The following NRG1 variants were observed in gnomAD, a reference collection of about 807,000 sequenced individuals.
NRG1 encodes pro-neuregulin-1, membrane-bound isoform.
In NRG1, 18 loss-of-function variants were observed where a neutral mutation model predicts 63.8. The ratio of observed to expected loss-of-function variants is 0.28; its 90% CI spans 0.19 to 0.42. The LOEUF is 0.42. NRG1 is among the 10% of genes least tolerant of loss of function. The probability of loss-of-function intolerance (pLI) is 1.00; values close to 1 mark genes in which losing one functional copy is unlikely to be tolerated. For synonymous variants in NRG1, 302 were observed against 301.3 expected, an observed-to-expected ratio of 1.00 and a Z score of -0.02; for missense variants, 762 against 814.7, an observed-to-expected ratio of 0.94 and a Z score of 0.79.
intron 1 of NRG1, among the ~76,000 whole-genome samples, chr8:32,394,674 C>A (rs1038041483): frequency 6.6e-6 from 1 of 152,168 alleles, no homozygotes; most frequent in Non-Finnish European, 1.5e-5. Context: ...CCAAGCACAA[C>A]TGGACATTTT....
chr8:32,165,072 A>G (rs1212617649), intron 1 of NRG1, among the ~76,000 whole-genome samples: 1 of 152,028 alleles, frequency 6.6e-6, no homozygotes, highest in Non-Finnish European at 1.5e-5. Context: ...TATTTCTACA[A>G]TTGCACAGCA....
intron 1 of NRG1, among the ~76,000 whole-genome samples, chr8:31,724,758 C>CT (rs951810566): frequency 7.2e-5 from 11 of 151,984 alleles, no homozygotes; most frequent in South Asian, 2.1e-4. Flanking sequence ...ATGTCATTTT[C>CT]TTTTTTTTCT....
exon 1 of NRG1, chr8:31,639,270 C>A: frequency 8.2e-7 from 1 of 1,221,956 alleles, no homozygotes; most frequent in Non-Finnish European, 1.2e-6. Context: ...CCCACTCGGA[C>A]TGCAGCCTGT....
intron 1 of NRG1, among the ~76,000 whole-genome samples, chr8:32,457,973 A>C (rs1437483233): frequency 1.3e-5 from 2 of 151,662 alleles, no homozygotes; most frequent in East Asian, 3.9e-4. Flanking sequence ...GCTGGAGTGC[A>C]ATGGTGCGAT....
In NRG1 at chr8:32,384,400, T is replaced by C. The variant is rs10098019; in HGVS notation, c.38-211428T>C. ...AGCACAGAGATAAGAGATTAGCTCA[T>C]GGCTCAGGCCAGGCCTCACAGATTA... On this transcript the variant is annotated intron_variant, in intron 1 of 10. Transcript: ENST00000519301. Among the ~76,000 whole-genome samples the C allele has an allele frequency of 9.3e-3, 1,415 of 152,384 alleles. 30 individuals are homozygous for C. Among genetic ancestry groups the C allele is most frequent in the African/African-American group, 0.032 (1,334 of 41,592 alleles).
chr8:32,760,518 G>A, intron 11 of NRG1, 112 bp downstream of exon 11: 1 of 1,535,708 alleles, frequency 6.5e-7, no homozygotes, highest in Non-Finnish European at 8.7e-7. Context: ...AGGGGCGGCA[G>A]TTACCTGTTC....
chr8:32,141,468 G>T (rs771661029), intron 1 of NRG1, among the ~76,000 whole-genome samples: 1 of 150,900 alleles, frequency 6.6e-6, no homozygotes, highest in Non-Finnish European at 1.5e-5. Flanking sequence ...GAAACATTTT[G>T]CATCCCTTTT....
chr8:32,199,350 A>G (rs926991478), intron 1 of NRG1, among the ~76,000 whole-genome samples: 2 of 152,172 alleles, frequency 1.3e-5, no homozygotes, highest in Non-Finnish European at 2.9e-5. Flanking sequence ...AATTCCAGCT[A>G]GATACTTTCT....
intron 1 of NRG1, among the ~76,000 whole-genome samples, chr8:32,495,438 A>G (rs957431809): frequency 6.6e-6 from 1 of 152,108 alleles, no homozygotes; most frequent in Non-Finnish European, 1.5e-5. Flanking sequence ...TTCTTTATAA[A>G]TTACTCAGTC....
At chr8:31,854,038 A>G (rs1827553965) in intron 1 of NRG1, among the ~76,000 whole-genome samples, 1 of 150,418 alleles carries the variant, frequency 6.6e-6, no homozygotes, top group Admixed American at 6.6e-5. Context: ...GGATTTTTGC[A>G]TCAATGTTCA....
chr8:31,644,556 A>G (rs565692981), intron 1 of NRG1, among the ~76,000 whole-genome samples: 2 of 152,304 alleles, frequency 1.3e-5, no homozygotes, highest in African/African-American at 4.8e-5. Context: ...TAGGAGCTTT[A>G]GACAACAGAG....
intron 1 of NRG1, among the ~76,000 whole-genome samples, chr8:32,341,402 C>T (rs1804055781): frequency 1.3e-5 from 2 of 152,306 alleles, no homozygotes; most frequent in Admixed American, 6.5e-5. Context: ...CTGGTCAGCT[C>T]GTGGCTGAAA....
intron 1 of NRG1, among the ~76,000 whole-genome samples, chr8:32,310,136 A>C (rs971169395): frequency 5.9e-5 from 9 of 152,232 alleles, no homozygotes; most frequent in African/African-American, 2.2e-4. Flanking sequence ...AGGAGGGGAA[A>C]AAGGACAAGC....
intron 1 of NRG1, among the ~76,000 whole-genome samples, chr8:32,169,467 C>T (rs748494452): frequency 6.6e-6 from 1 of 152,144 alleles, no homozygotes; most frequent in Non-Finnish European, 1.5e-5. Context: ...AATAAGTTCT[C>T]ATATTACTAA....
chr8:32,308,753 G>A (rs575888641), intron 1 of NRG1, among the ~76,000 whole-genome samples: 171 of 152,296 alleles, frequency 1.1e-3, no homozygotes, highest in African/African-American at 3.7e-3. Flanking sequence ...TATAGACATG[G>A]CAGTAAAGAC....
intron 1 of NRG1, among the ~76,000 whole-genome samples, chr8:31,787,487 C>A (rs375355617): frequency 2.4e-4 from 36 of 152,232 alleles, no homozygotes; most frequent in African/African-American, 6.7e-4. Flanking sequence ...GTCCTTCAAT[C>A]AACCATCTAC....
intron 1 of NRG1, among the ~76,000 whole-genome samples, chr8:32,232,732 C>A (rs182027405): frequency 3.9e-5 from 6 of 152,188 alleles, no homozygotes; most frequent in Admixed American, 1.3e-4. Context: ...AGGAAAATGG[C>A]CATTTCCACA....
chr8:31,849,594 T>C (rs1827020174), intron 1 of NRG1, among the ~76,000 whole-genome samples: 1 of 152,202 alleles, frequency 6.6e-6, no homozygotes, highest in Non-Finnish European at 1.5e-5. Flanking sequence ...CTTCCTTTTG[T>C]CTCTCATTTC....
intron 1 of NRG1, among the ~76,000 whole-genome samples, chr8:31,940,763 A>C (rs1011376262): frequency 6.6e-6 from 1 of 152,160 alleles, no homozygotes; most frequent in South Asian, 2.1e-4. Context: ...CAAGGCTACT[A>C]TGAACACCTT....
Sources: allele counts gnomAD v4.1 joint callset (sites outside exome capture counted in the v4.1 genomes callset), GRCh38; gene constraint gnomAD v4.1.1; transcripts MANE v1.5; gene names NCBI Gene and HGNC (gene_info 2026-07-23, HGNC 2026-07-21).